TIAM1: variants seen among roughly 807,000 people sequenced by gnomAD.
The protein encoded by TIAM1 is rho guanine nucleotide exchange factor TIAM1.
Under a neutral mutation model 163.5 loss-of-function variants are expected in TIAM1, and 65 were observed. The observed-to-expected ratio is 0.40, with a 90% confidence interval of 0.33 to 0.49. TIAM1 has a LOEUF of 0.49. TIAM1 is among the 20% of genes least tolerant of loss of function. TIAM1 has a pLI of 0.77. For synonymous variants in TIAM1, 833 were observed against 810.1 expected (o/e 1.03, Z -0.48); for missense variants, 1,789 against 2,044.7 (o/e 0.87, Z 2.41).
chr21:31,505,260 A>T (rs1048414011), intron 1 of TIAM1, among the ~76,000 whole-genome samples: 12 of 152,208 alleles, frequency 7.9e-5, no homozygotes, highest in Admixed American at 4.6e-4. Flanking sequence ...ATAGGATTCA[A>T]TGATATAACT....
At chr21:31,147,118 C>G in intron 19 of TIAM1, 115 bp from the exon 20 acceptor site, 1 of 810,616 alleles carries the variant, frequency 1.2e-6, no homozygotes, top group Non-Finnish European at 2.1e-6. Context: ...CAACATCTTC[C>G]GTGCCTGTCA....
At chr21:31,547,956 T>A (rs2048549780) in intron 1 of TIAM1, among the ~76,000 whole-genome samples, 1 of 152,152 alleles carries the variant, frequency 6.6e-6, no homozygotes, top group South Asian at 2.1e-4. Flanking sequence ...ATTATCTAGC[T>A]TTAAAGAACT....
intron 2 of TIAM1, among the ~76,000 whole-genome samples, chr21:31,381,587 G>C (rs957404471): frequency 1.3e-5 from 2 of 152,184 alleles, no homozygotes; most frequent in Non-Finnish European, 2.9e-5. Flanking sequence ...GGAATCACTT[G>C]AACATGGGAG....
chr21:31,548,709 G>A (rs573804343), intron 1 of TIAM1, among the ~76,000 whole-genome samples: 48 of 151,364 alleles, frequency 3.2e-4, no homozygotes, highest in African/African-American at 1.1e-3. Flanking sequence ...GGCTGGTCTC[G>A]AACTCCTGGC....
chr21:31,497,355 A>G (rs967993015), intron 1 of TIAM1, among the ~76,000 whole-genome samples: 1 of 152,266 alleles, frequency 6.6e-6, no homozygotes, highest in African/African-American at 2.4e-5. Flanking sequence ...ACAAATAGTT[A>G]TAAGAGTAAG....
At chr21:31,250,257 T>A (rs2071727101) in intron 5 of TIAM1, among the ~76,000 whole-genome samples, 2 of 152,024 alleles carry the variant, frequency 1.3e-5, no homozygotes. Context: ...AAAAGAGTTA[T>A]CACACAAGCC....
chr21:31,297,642 C>A (rs1365069507), intron 2 of TIAM1, among the ~76,000 whole-genome samples: 1 of 152,204 alleles, frequency 6.6e-6, no homozygotes, highest in Non-Finnish European at 1.5e-5. Flanking sequence ...CCTTGGCCTC[C>A]CAAAGTGCTG....
chr21:31,478,325 T>G (rs2046000749), intron 1 of TIAM1, among the ~76,000 whole-genome samples: 1 of 152,230 alleles, frequency 6.6e-6, no homozygotes, highest in Non-Finnish European at 1.5e-5. Flanking sequence ...TTCTGTTTAG[T>G]CTGGATTTGC....
chr21:31,373,060 AAAAAAAAAG>A (rs1366824404), intron 2 of TIAM1, among the ~76,000 whole-genome samples: 2 of 148,400 alleles, frequency 1.3e-5, no homozygotes, highest in Non-Finnish European at 3.0e-5. Context: ...TGTCTCAAAA[AAAAAAAAAG>A]AAAAGAAAAG....
At position 31,395,098 on chromosome 21, in the gene TIAM1, C is replaced by T. The variant is rs2077040424; in HGVS notation, c.-368-55676G>A. 1.3e-5 allele frequency among the ~76,000 whole-genome samples: 2 copies of T among 152,110 alleles called. No individual in the cohort carries two copies. Among genetic ancestry groups the T allele is most frequent in the Non-Finnish European group, 2.9e-5 (2 of 68,022 alleles). On this transcript the variant is annotated intron_variant, in intron 2 of 28. Transcript: ENST00000286827. This position sits in a 1 kb window ranked among gnomAD's most constrained non-coding sequence, Gnocchi z 7.5. ...ACCAAAAATACAAACATTAGCCAGG[C>T]ATGGTGGCGCGTGCCTGTAGTCCCA...
chr21:31,535,163 A>C (rs1286871934), intron 1 of TIAM1, among the ~76,000 whole-genome samples: 1 of 151,802 alleles, frequency 6.6e-6, no homozygotes, highest in Non-Finnish European at 1.5e-5. Flanking sequence ...CAGGCGAATC[A>C]CAAGGTCAGG....
chr21:31,126,974 G>A (rs1292706891), intron 26 of TIAM1, 91 bp downstream of exon 26: 4 of 1,281,252 alleles, frequency 3.1e-6, no homozygotes, highest in African/African-American at 1.5e-5. Flanking sequence ...TACAAACAAC[G>A]TACCAAACAC....
intron 16 of TIAM1, among the ~76,000 whole-genome samples, chr21:31,160,271 C>T (rs2146347469): frequency 1.3e-5 from 2 of 152,290 alleles, no homozygotes; most frequent in South Asian, 4.1e-4. Flanking sequence ...ACGTCCCCCA[C>T]CAAAAGCCAC....
At chr21:31,306,608 C>T (rs967717774) in intron 2 of TIAM1, among the ~76,000 whole-genome samples, 11 of 152,130 alleles carry the variant, frequency 7.2e-5, no homozygotes, top group African/African-American at 2.7e-4. Context: ...TACATCGTGG[C>T]CTGTGATGTG....
At chr21:31,175,317 G>GTA (rs2084708428) in intron 15 of TIAM1, among the ~76,000 whole-genome samples, 1 of 152,080 alleles carries the variant, frequency 6.6e-6, no homozygotes, top group Non-Finnish European at 1.5e-5. Context: ...CGCCCCAACT[G>GTA]GTCAAGTGGA....
At chr21:31,548,308 A>G (rs2048566824) in intron 1 of TIAM1, among the ~76,000 whole-genome samples, 1 of 151,396 alleles carries the variant, frequency 6.6e-6, no homozygotes, top group East Asian at 1.9e-4. Flanking sequence ...CACCCAGCCA[A>G]TTTTTGTATT....
chr21:31,220,782 C>T (rs2087512828), intron 8 of TIAM1, among the ~76,000 whole-genome samples: 1 of 152,208 alleles, frequency 6.6e-6, no homozygotes, highest in Non-Finnish European at 1.5e-5. Flanking sequence ...TGGACCAGAG[C>T]TCAAGAGTTT....
At position 31,171,035 on chromosome 21, in the gene TIAM1, C is replaced by CAAAAAA. The variant is rs34291568; in HGVS notation, c.2888-5976_2888-5971dup. On this transcript the variant is annotated intron_variant, in intron 15 of 27. Coordinates refer to ENST00000541036, the MANE Select transcript of TIAM1 (RefSeq NM_001353694.2). ...TGGGTGACAGAGTGAGACTCCATCTCAAAAAAAAAAAAAAAAAAAAAAAAA... is the reference window on the plus strand; with the variant it reads ...TGGGTGACAGAGTGAGACTCCATCTCAAAAAAAAAAAAAAAAAAAAAAAAAAAAAAA... Among the ~76,000 whole-genome samples, 39 of 19,568 alleles carry CAAAAAA rather than the reference C, an allele frequency of 2.0e-3. 2 individuals carry two copies. The highest frequency in any genetic ancestry group is 3.8e-3 in the African/African-American group (38 of 10,034). The allele number at this position is 19,568 out of a possible 152,430, so 12.8% of individuals were successfully genotyped here. A position where few individuals can be genotyped will look rare whatever the true frequency, so the allele number is the denominator to read the frequency against.
At chr21:31,300,163 G>A (rs370248646) in intron 2 of TIAM1, among the ~76,000 whole-genome samples, 11 of 152,234 alleles carry the variant, frequency 7.2e-5, no homozygotes, top group Middle Eastern at 6.8e-3. Context: ...ATTTAAAAAT[G>A]TGTAGCACCT....
Sources: gnomAD v4.1 joint callset for allele counts (sites outside exome capture counted in the v4.1 genomes callset) on GRCh38, gnomAD v4.1.1 for gene constraint, Gnocchi (gnomAD v3.1) non-coding constraint, MANE v1.5 for transcripts, NCBI Gene and HGNC (gene_info 2026-07-23, HGNC 2026-07-21) for gene names.